NID1: variants seen among roughly 807,000 people sequenced by gnomAD.
The protein encoded by NID1 is nidogen-1.
A neutral mutation model predicts 130.6 loss-of-function variants in NID1; 76 were observed. The observed-to-expected ratio is 0.58, with a 90% CI of 0.48 to 0.70. The LOEUF (loss-of-function observed/expected upper bound fraction) is 0.70, where lower values mean the gene tolerates loss of function less well. Ranked by LOEUF, NID1 falls within the 30% of genes least tolerant of loss-of-function variation. The pLI is 0.00. For missense variants in NID1, 1,517 were observed against 1,664.8 expected (o/e 0.91, Z 1.54); for synonymous variants, 665 against 675.1 (o/e 0.98, Z 0.23).
At chr1:236,051,254 C>G (rs371123936) in intron 1 of NID1, among the ~76,000 whole-genome samples, 4 of 150,150 alleles carry the variant, frequency 2.7e-5, no homozygotes, top group Non-Finnish European at 6.0e-5. Flanking sequence ...TTTCCCTCCC[C>G]CTCCCCCTGC....
At chr1:236,028,405 G>A (rs909210783) in intron 7 of NID1, among the ~76,000 whole-genome samples, 3 of 152,140 alleles carry the variant, frequency 2.0e-5, no homozygotes, top group Middle Eastern at 3.2e-3. Context: ...GTACTCAGGA[G>A]GCTGAGGTGG....
intron 9 of NID1, among the ~76,000 whole-genome samples, chr1:236,022,096 C>T (rs1189232821): frequency 6.6e-6 from 1 of 151,768 alleles, no homozygotes; most frequent in Admixed American, 6.6e-5. Context: ...ATGGAAAAAC[C>T]CCATCTCTAC....
rs1270003243 is a variant in NID1 at position 235,977,259 on chromosome 1, G to C, written c.*608C>G. ...CCCATAGATCTCTAGGACAGGGTAG[G>C]TTTTGATGAAAAAGCAGCGCATGAA... On this transcript the variant is annotated 3_prime_UTR_variant, in exon 20 of 20. Coordinates refer to ENST00000264187, the MANE Select transcript of NID1 (RefSeq NM_002508.3). 6.6e-6 allele frequency: 1 copy of C among 152,416 alleles called. No homozygotes were observed. Among genetic ancestry groups the C allele is most frequent in the Admixed American group, 6.5e-5 (1 of 15,306 alleles). 9.4% of individuals were successfully genotyped at this position (152,416 alleles called of 1,614,324 possible).
At chr1:236,003,976 T>G (rs1238742606) in intron 12 of NID1, among the ~76,000 whole-genome samples, 2 of 142,336 alleles carry the variant, frequency 1.4e-5, no homozygotes, top group African/African-American at 5.3e-5. Flanking sequence ...GATGTTGCAG[T>G]GAGCAGAGAT....
intron 9 of NID1, among the ~76,000 whole-genome samples, chr1:236,018,772 CAAAT>C (rs1658672811): frequency 1.3e-5 from 2 of 152,214 alleles, no homozygotes; most frequent in Non-Finnish European, 2.9e-5. Flanking sequence ...AGACCTAAAA[CAAAT>C]AAGACATGTT....
At chr1:236,002,756 C>T (rs10927231) in intron 12 of NID1, among the ~76,000 whole-genome samples, 40,760 of 152,004 alleles carry the variant, frequency 0.27, 6,362 homozygotes, top group Non-Finnish European at 0.36. Flanking sequence ...ACAGGCTCAG[C>T]GATCACTCCG....
Position 236,024,210 on chromosome 1 carries a change from C to A in NID1, c.1988G>T (p.Gly663Val), listed in dbSNP as rs990762061. The A allele has an allele frequency of 1.2e-6, 2 of 1,614,196 alleles. No homozygotes were observed. Among genetic ancestry groups the A allele is most frequent in the Non-Finnish European group, 1.7e-6 (2 of 1,180,018 alleles). Residue 663 changes from glycine to valine, a missense_variant, in exon 9 of 20, where the codon GGC (glycine) becomes GTC (valine). Physicochemically the swap from Gly to Val is moderately radical, Grantham distance 109. Transcript: ENST00000264187. ...GGGATTCTGAAGAGCATCAGGGGAG[C>A]CTTCTGTGAAGACAGAGACATTGGA... is the stretch of plus-strand genomic sequence containing the variant. ...LSNSIGPVREGSPDALQNPCY... is the reference protein window; with the variant it reads ...LSNSIGPVREVSPDALQNPCY...
chr1:236,036,828 G>A (rs1659275626), intron 5 of NID1, among the ~76,000 whole-genome samples: 1 of 152,140 alleles, frequency 6.6e-6, no homozygotes. Context: ...CAGAAACAAG[G>A]CCATCACCAA....
intron 12 of NID1, among the ~76,000 whole-genome samples, chr1:236,002,777 AACGAGGCCATGTGAG>A: frequency 6.6e-6 from 1 of 152,288 alleles, no homozygotes; most frequent in African/African-American, 2.4e-5. Context: ...CGGATTTGGA[AACGAGGCCATGTGAG>A]AGTCACAAGG....
chr1:236,000,208 T>C (rs10927224), intron 12 of NID1, among the ~76,000 whole-genome samples: 41,014 of 151,838 alleles, frequency 0.27, 6,738 homozygotes, highest in East Asian at 0.73. Context: ...AGCGAGACTC[T>C]ATCTCAATTA....
chr1:236,013,162 A>T (rs980800810), intron 11 of NID1, among the ~76,000 whole-genome samples: 2 of 152,232 alleles, frequency 1.3e-5, no homozygotes, highest in African/African-American at 2.4e-5. Context: ...AGCAGAGAGC[A>T]GGTGTCTAAT....
chr1:236,016,506 C>T (rs1459018945), intron 10 of NID1, among the ~76,000 whole-genome samples: 2 of 152,142 alleles, frequency 1.3e-5, no homozygotes, highest in African/African-American at 2.4e-5. Flanking sequence ...CTTGAACGAC[C>T]AGGTCAAAGT....
In NID1 at chr1:235,993,792, G is replaced by A; in HGVS notation, c.2608C>T (p.Pro870Ser). 1.2e-6 allele frequency: 2 copies of A among 1,614,188 alleles called. No homozygotes were observed. Among genetic ancestry groups the A allele is most frequent in the East Asian group, 4.5e-5 (2 of 44,878 alleles). The change falls in exon 13 of 20, where the codon CCT becomes TCT. Residue 870 changes from proline (P) to serine (S), a missense_variant. Around this residue, in one of 3 missense-constraint regions of NID1, gnomAD observed 1,329 missense variants for 1,429.2 expected, o/e 0.93. Transcript: ENST00000264187. The stretch of plus-strand genomic sequence containing the variant: ...CACTCAGGAACGAACAGCCCCGGAG[G>A]AATGGGTCGCTGTGGGTCTGTCGCC... ...AGATDPQRPI[P>S]PGLFVPECDA...
At chr1:235,982,852 A>G (rs1180812099) in intron 15 of NID1, among the ~76,000 whole-genome samples, 1 of 152,128 alleles carries the variant, frequency 6.6e-6, no homozygotes, top group East Asian at 1.9e-4. Flanking sequence ...GTATGAGGCA[A>G]CCATTCCAAT....
chr1:236,036,671 C>T (rs1220932975), intron 5 of NID1, among the ~76,000 whole-genome samples: 1 of 152,200 alleles, frequency 6.6e-6, no homozygotes, highest in Non-Finnish European at 1.5e-5. Flanking sequence ...CATGAGGGCT[C>T]TGCCCTGAAG....
At chr1:236,019,336 A>G (rs1053493920) in intron 9 of NID1, among the ~76,000 whole-genome samples, 3 of 152,254 alleles carry the variant, frequency 2.0e-5, no homozygotes, top group African/African-American at 7.2e-5. Flanking sequence ...ATGTCTGGAA[A>G]CATTGTACAT....
At position 235,997,262 on chromosome 1, in the gene NID1, C is replaced by T. The variant is rs555221364; in HGVS notation, c.2528-3390G>A. 8.9e-4 allele frequency among the ~76,000 whole-genome samples: 136 copies of T among 152,244 alleles called. 1 individual carries two copies. The highest frequency in any genetic ancestry group is 3.1e-3 in the African/African-American group (129 of 41,532). ...TTTGTGGGCCATGAGGTCTCTGTTA[C>T]GACTACGCAACTCTGTGGTTGTAGC... On this transcript the variant is annotated intron_variant, in intron 12 of 19. Coordinates refer to ENST00000264187, the MANE Select transcript of NID1 (RefSeq NM_002508.3).
chr1:235,997,601 C>CTTTTT (rs11325487), intron 12 of NID1, among the ~76,000 whole-genome samples: 1 of 127,598 alleles, frequency 7.8e-6, no homozygotes, highest in African/African-American at 3.0e-5. Flanking sequence ...AGTTCCATTA[C>CTTTTT]TTTTTTTTTT....
chr1:236,012,383 C>G (rs530026020), intron 11 of NID1, among the ~76,000 whole-genome samples: 7 of 151,936 alleles, frequency 4.6e-5, no homozygotes, highest in African/African-American at 1.7e-4. Context: ...ACGGTGAAAC[C>G]CTGTTTCTAC....
Sources: allele counts gnomAD v4.1 joint callset (sites outside exome capture counted in the v4.1 genomes callset), GRCh38; gene constraint gnomAD v4.1.1; regional missense constraint gnomAD v4.1.1; transcripts MANE v1.5; gene names NCBI Gene and HGNC (gene_info 2026-07-23, HGNC 2026-07-21).